The following LRRTM4 variants were observed in gnomAD, a reference collection of about 807,000 sequenced individuals.
LRRTM4 encodes the protein leucine rich repeat transmembrane neuronal 4.
In LRRTM4, 25 loss-of-function variants were observed where a neutral mutation model predicts 47.6. That is an observed-to-expected ratio of 0.53 (90% CI 0.38 to 0.73). LRRTM4 has a LOEUF of 0.73. LRRTM4 is among the 30% of genes least tolerant of loss of function. The probability of loss-of-function intolerance (pLI) is 0.00; values close to 1 mark genes in which losing one functional copy is unlikely to be tolerated. For synonymous variants in LRRTM4, 311 were observed against 269.5 expected (o/e 1.15, Z -1.51); for missense variants, 638 against 713.4 (o/e 0.89, Z 1.20).
chr2:77,338,092 T>C (rs1298527879), intron 3 of LRRTM4, among the ~76,000 whole-genome samples: 1 of 151,934 alleles, frequency 6.6e-6, no homozygotes, highest in Non-Finnish European at 1.5e-5. Flanking sequence ...AAAATCAAAT[T>C]AAGATAGATA....
intron 3 of LRRTM4, among the ~76,000 whole-genome samples, chr2:77,393,107 T>TTG (rs1263449963): frequency 6.6e-6 from 1 of 152,006 alleles, no homozygotes; most frequent in East Asian, 1.9e-4. Context: ...TTTTCGTAAT[T>TTG]CTCTTTTTTC....
chr2:77,476,437 C>T (rs186220723), intron 3 of LRRTM4, among the ~76,000 whole-genome samples: 1 of 151,948 alleles, frequency 6.6e-6, no homozygotes, highest in Non-Finnish European at 1.5e-5. Flanking sequence ...CAACAAAAGC[C>T]ATACATTGAT....
chr2:77,410,573 G>A (rs553104298), intron 3 of LRRTM4, among the ~76,000 whole-genome samples: 1 of 152,284 alleles, frequency 6.6e-6, no homozygotes, highest in Admixed American at 6.5e-5. Flanking sequence ...ATTGAGGATG[G>A]GGTGCTTATA....
At chr2:77,478,922 T>C (rs1352581571) in intron 3 of LRRTM4, among the ~76,000 whole-genome samples, 9 of 152,162 alleles carry the variant, frequency 5.9e-5, no homozygotes, top group Non-Finnish European at 1.5e-5. Flanking sequence ...TGAGACGAAG[T>C]CTCACTCTCT....
chr2:77,381,036 C>T (rs767648250), intron 3 of LRRTM4, among the ~76,000 whole-genome samples: 1 of 151,894 alleles, frequency 6.6e-6, no homozygotes, highest in Non-Finnish European at 1.5e-5. Flanking sequence ...ATGAGTAATT[C>T]TAATTTTTCT....
intron 3 of LRRTM4, among the ~76,000 whole-genome samples, chr2:77,285,310 T>C (rs1437068432): frequency 7.8e-6 from 1 of 128,906 alleles, no homozygotes; most frequent in African/African-American, 2.8e-5. Flanking sequence ...TAATTAAATC[T>C]ATGTAAATTA....
intron 3 of LRRTM4, among the ~76,000 whole-genome samples, chr2:76,927,566 G>C (rs565807778): frequency 6.6e-6 from 1 of 152,070 alleles, no homozygotes; most frequent in Non-Finnish European, 1.5e-5. Flanking sequence ...AGTCATGTAT[G>C]TAAAAAAGCC....
intron 3 of LRRTM4, among the ~76,000 whole-genome samples, chr2:76,879,597 A>G (rs1215024557): frequency 3.3e-5 from 5 of 152,178 alleles, no homozygotes; most frequent in Admixed American, 3.3e-4. Context: ...AAGAAAATTA[A>G]CATTGTTTTC....
chr2:77,033,637 A>G (rs17334506), intron 3 of LRRTM4, among the ~76,000 whole-genome samples: 18,505 of 151,858 alleles, frequency 0.12, 1,411 homozygotes, highest in Admixed American at 0.19. Context: ...ATAATTCTCC[A>G]TATTTGTAGT....
chr2:77,143,144 T>A (rs970365445), intron 3 of LRRTM4, among the ~76,000 whole-genome samples: 1 of 152,188 alleles, frequency 6.6e-6, no homozygotes, highest in Non-Finnish European at 1.5e-5. Flanking sequence ...ATTACCATTA[T>A]CCTATGAGGC....
intron 3 of LRRTM4, among the ~76,000 whole-genome samples, chr2:77,165,662 A>T (rs1435888609): frequency 2.6e-5 from 4 of 152,208 alleles, no homozygotes; most frequent in African/African-American, 9.6e-5. Flanking sequence ...AACATATGCA[A>T]ATCAATAAAC....
At chr2:77,470,201 C>T (rs1419811588) in intron 3 of LRRTM4, among the ~76,000 whole-genome samples, 1 of 152,076 alleles carries the variant, frequency 6.6e-6, no homozygotes, top group East Asian at 1.9e-4. Context: ...TTCAGGATTA[C>T]ATATCATATG....
At chr2:77,210,574 C>T (rs1370786293) in intron 3 of LRRTM4, among the ~76,000 whole-genome samples, 3 of 151,898 alleles carry the variant, frequency 2.0e-5, no homozygotes, top group African/African-American at 4.8e-5. Context: ...CATTTAATTC[C>T]CCACAATCTT....
intron 3 of LRRTM4, among the ~76,000 whole-genome samples, chr2:77,111,283 A>ATTTTTTTTTTTTT (rs71381260): frequency 1.0e-3 from 116 of 113,092 alleles, no homozygotes; most frequent in East Asian, 2.4e-3. Flanking sequence ...ACACCTGGCT[A>ATTTTTTTTTTTTT]TTTTTTTTTT....
intron 3 of LRRTM4, among the ~76,000 whole-genome samples, chr2:77,026,148 G>A (rs1036137556): frequency 2.0e-5 from 3 of 152,100 alleles, no homozygotes; most frequent in African/African-American, 7.2e-5. Context: ...TCTTTGGAAT[G>A]CTTTGTAGTA....
At chr2:76,771,559 T>C (rs1486511042) in intron 3 of LRRTM4, among the ~76,000 whole-genome samples, 1 of 151,788 alleles carries the variant, frequency 6.6e-6, no homozygotes, top group Non-Finnish European at 1.5e-5. Flanking sequence ...AGCACTGCCT[T>C]TGCTTCGGGC....
At chr2:77,387,723 C>T (rs1673339450) in intron 3 of LRRTM4, among the ~76,000 whole-genome samples, 2 of 152,172 alleles carry the variant, frequency 1.3e-5, no homozygotes, top group South Asian at 2.1e-4. Context: ...CAGTTCTTGA[C>T]AAGGACTAGC....
chr2:76,911,751 T>C (rs1305003389), intron 3 of LRRTM4, among the ~76,000 whole-genome samples: 3 of 151,996 alleles, frequency 2.0e-5, no homozygotes, highest in South Asian at 2.1e-4. Flanking sequence ...GGCCAATCAC[T>C]TTTTTCTGAT....
intron 3 of LRRTM4, among the ~76,000 whole-genome samples, chr2:76,770,722 T>A (rs1182786121): frequency 1.3e-5 from 2 of 152,198 alleles, no homozygotes; most frequent in Non-Finnish European, 2.9e-5. Context: ...CAGCATTTTT[T>A]AAAAACCACC....
Sources: gnomAD v4.1 joint callset for allele counts (sites outside exome capture counted in the v4.1 genomes callset) on GRCh38, gnomAD v4.1.1 for gene constraint, MANE v1.5 for transcripts, NCBI Gene and HGNC (gene_info 2026-07-23, HGNC 2026-07-21) for gene names.